The following PLXDC2 variants were observed in gnomAD, a reference collection of about 807,000 sequenced individuals.
PLXDC2 encodes plexin domain-containing protein 2.
A neutral mutation model predicts 68.9 loss-of-function variants in PLXDC2; 40 were observed. The ratio of observed to expected loss-of-function variants is 0.58; its 90% CI spans 0.45 to 0.76. The LOEUF (loss-of-function observed/expected upper bound fraction) is 0.76. Ranked by LOEUF, PLXDC2 falls within the 30% of genes least tolerant of loss-of-function variation. The pLI is 0.00. For synonymous variants in PLXDC2, 243 were observed against 234.2 expected, an observed-to-expected ratio of 1.04 and a Z score of -0.34; for missense variants, 644 against 661.9, an observed-to-expected ratio of 0.97 and a Z score of 0.30.
chr10:19,923,572 G>C (rs895814325), intron 1 of PLXDC2, among the ~76,000 whole-genome samples: 1 of 151,990 alleles, frequency 6.6e-6, no homozygotes, highest in Non-Finnish European at 1.5e-5. Flanking sequence ...GCTACACTGA[G>C]GCAATTAAGG....
At chr10:19,850,089 C>T (rs1242907019) in intron 1 of PLXDC2, among the ~76,000 whole-genome samples, 1 of 152,092 alleles carries the variant, frequency 6.6e-6, no homozygotes, top group Admixed American at 6.6e-5. Flanking sequence ...TAGCAACATT[C>T]ATCAATATAC....
At chr10:19,880,319 C>G (rs1051525191) in intron 1 of PLXDC2, among the ~76,000 whole-genome samples, 1 of 152,228 alleles carries the variant, frequency 6.6e-6, no homozygotes, top group East Asian at 1.9e-4. Context: ...TCCCTGAAAG[C>G]TCAGATAGAA....
intron 1 of PLXDC2, among the ~76,000 whole-genome samples, chr10:19,931,952 A>AGAGTGTGT (rs1554846174): frequency 6.7e-6 from 1 of 149,626 alleles, no homozygotes; most frequent in Non-Finnish European, 1.5e-5. Flanking sequence ...TAATTTGGGA[A>AGAGTGTGT]GTGTGTGTGT....
intron 1 of PLXDC2, among the ~76,000 whole-genome samples, chr10:19,839,031 C>CA (rs1836853525): frequency 6.6e-6 from 1 of 151,966 alleles, no homozygotes; most frequent in African/African-American, 2.4e-5. Flanking sequence ...AATAAAAATA[C>CA]AAAAATCTTC....
At chr10:20,093,693 A>T (rs974214421) in intron 4 of PLXDC2, among the ~76,000 whole-genome samples, 3 of 152,218 alleles carry the variant, frequency 2.0e-5, no homozygotes, top group Non-Finnish European at 4.4e-5. Context: ...TATTTACTTG[A>T]GACAGGGTCT....
chr10:20,258,004 T>C (rs1204951442), intron 13 of PLXDC2, among the ~76,000 whole-genome samples: 1 of 142,386 alleles, frequency 7.0e-6, no homozygotes, highest in Non-Finnish European at 1.5e-5. Flanking sequence ...TTTCTTTTTT[T>C]TTTTTTTTTT....
chr10:20,115,288 G>C (rs1291009508), intron 4 of PLXDC2, among the ~76,000 whole-genome samples: 3 of 152,176 alleles, frequency 2.0e-5, no homozygotes, highest in Non-Finnish European at 4.4e-5. Flanking sequence ...ACTCATGTCA[G>C]CTTGTCCTCT....
intron 3 of PLXDC2, among the ~76,000 whole-genome samples, chr10:20,050,599 A>C (rs1589605399): frequency 1.3e-5 from 2 of 152,176 alleles, no homozygotes; most frequent in African/African-American, 4.8e-5. Context: ...AAGCATATGA[A>C]AAAAAGCTCA....
intron 4 of PLXDC2, among the ~76,000 whole-genome samples, chr10:20,095,379 G>A (rs1589626694): frequency 6.6e-6 from 1 of 152,058 alleles, no homozygotes; most frequent in Non-Finnish European, 1.5e-5. Context: ...TTACAAAGTG[G>A]TGAGGAAACA....
Position 20,284,063 on chromosome 10 carries a change from C to T in PLXDC2, c.*4244C>T, listed in dbSNP as rs1307322909. On this transcript the variant is annotated 3_prime_UTR_variant, in exon 14 of 14. Coordinates refer to ENST00000377252, the MANE Select transcript of PLXDC2 (RefSeq NM_032812.9). ...AGGTTTTGCCAGGATCCACAGATCG[C>T]TTCAAGATGCTTTCGTTTATGATAG... 6.6e-6 allele frequency: 1 copy of T among 152,040 alleles called. No individual in the cohort carries two copies. Among genetic ancestry groups the T allele is most frequent in the Non-Finnish European group, 1.5e-5 (1 of 68,020 alleles). 9.4% of individuals were successfully genotyped at this position (152,040 alleles called of 1,614,324 possible).
intron 1 of PLXDC2, among the ~76,000 whole-genome samples, chr10:19,943,299 G>A (rs1833848225): frequency 6.6e-6 from 1 of 151,688 alleles, no homozygotes; most frequent in African/African-American, 2.4e-5. Context: ...GTATACACAT[G>A]TATCTTTACA....
intron 12 of PLXDC2, among the ~76,000 whole-genome samples, chr10:20,226,587 A>C (rs1452553729): frequency 6.6e-6 from 1 of 152,256 alleles, no homozygotes; most frequent in East Asian, 1.9e-4. Context: ...GGAAAATAAA[A>C]GAAAAAGAAA....
At chr10:20,117,543 A>C (rs1265844076) in intron 4 of PLXDC2, among the ~76,000 whole-genome samples, 2 of 152,220 alleles carry the variant, frequency 1.3e-5, no homozygotes. Flanking sequence ...CATAACAAGG[A>C]AACATGGAGC....
At chr10:19,979,697 T>C (rs1166789456) in intron 1 of PLXDC2, among the ~76,000 whole-genome samples, 1 of 152,206 alleles carries the variant, frequency 6.6e-6, no homozygotes, top group Non-Finnish European at 1.5e-5. Context: ...AATTATCACC[T>C]GAGTTGTTTG....
chr10:20,137,361 G>C (rs1046927032), intron 4 of PLXDC2, among the ~76,000 whole-genome samples: 3 of 152,182 alleles, frequency 2.0e-5, no homozygotes, highest in Admixed American at 2.0e-4. Context: ...GGTACACAGA[G>C]TTTAAGTAAC....
Position 20,287,276 on chromosome 10 carries a change from A to C in PLXDC2, c.*7457A>C, listed in dbSNP as rs1836168342. 6.6e-6 allele frequency: 1 copy of C among 152,224 alleles called. No homozygotes were observed. Among genetic ancestry groups the C allele is most frequent in the South Asian group, 2.1e-4 (1 of 4,832 alleles). 9.4% of individuals were successfully genotyped at this position (152,224 alleles called of 1,614,324 possible). On this transcript the variant is annotated 3_prime_UTR_variant, in exon 14 of 14. Coordinates refer to ENST00000377252, the MANE Select transcript of PLXDC2 (RefSeq NM_032812.9). Reference sequence around the variant, plus strand: ...TAGAGAATTATGTGACTTGCCCTAGAGAATTAGTGAATGACCAAAAAGAGA... The same window carrying C: ...TAGAGAATTATGTGACTTGCCCTAGCGAATTAGTGAATGACCAAAAAGAGA...
chr10:20,273,560 A>G (rs568606216), intron 13 of PLXDC2, among the ~76,000 whole-genome samples: 1 of 152,328 alleles, frequency 6.6e-6, no homozygotes, highest in East Asian at 1.9e-4. Context: ...ACACATATAT[A>G]CATATCATAT....
intron 6 of PLXDC2, among the ~76,000 whole-genome samples, chr10:20,153,155 C>T (rs1834172925): frequency 6.6e-6 from 1 of 152,132 alleles, no homozygotes; most frequent in African/African-American, 2.4e-5. Context: ...TCATTCTTAC[C>T]TGTGTTCACA....
At position 20,146,450 on chromosome 10, in the gene PLXDC2, T is replaced by TCTTC. The variant is rs112918711; in HGVS notation, c.665-1318_665-1315dup. Among the ~76,000 whole-genome samples, 139 of 145,830 alleles carry TCTTC rather than the reference T, an allele frequency of 9.5e-4. 2 individuals carry two copies. Among genetic ancestry groups the TCTTC allele is most frequent in the Non-Finnish European group, 4.8e-4 (32 of 66,262 alleles). ...CTTTCTTTTTCTTTCTTTCTTCCTT[T>TCTTC]CTTCCTTCCTTCCTTCCTTTCTTTC... On this transcript the variant is annotated intron_variant, in intron 5 of 13. Coordinates refer to ENST00000377252, the MANE Select transcript of PLXDC2 (RefSeq NM_032812.9).
Sources: allele counts gnomAD v4.1 joint callset (sites outside exome capture counted in the v4.1 genomes callset), GRCh38; gene constraint gnomAD v4.1.1; transcripts MANE v1.5; gene names NCBI Gene and HGNC (gene_info 2026-07-23, HGNC 2026-07-21).